The following PAM variants were observed in gnomAD, a reference collection of about 807,000 sequenced individuals.
PAM encodes the protein peptidylglycine alpha-amidating monooxygenase.
In PAM, 72 loss-of-function variants were observed where a neutral mutation model predicts 122.1. The ratio of observed to expected loss-of-function variants is 0.59; its 90% CI spans 0.49 to 0.72. The LOEUF is 0.72. Among genes scored for constraint, PAM ranks in the 30% least tolerant of loss-of-function variants. PAM has a pLI of 0.00. For synonymous variants in PAM, 389 were observed against 404.4 expected (o/e 0.96, Z 0.46); for missense variants, 1,106 against 1,183.7 (o/e 0.93, Z 0.96).
intron 16 of PAM, among the ~76,000 whole-genome samples, chr5:102,994,217 T>C (rs1774992416): frequency 6.6e-6 from 1 of 152,284 alleles, no homozygotes; most frequent in African/African-American, 2.4e-5. Context: ...AGAAACTCCC[T>C]AGATATGAGA....
chr5:102,949,462 T>C (rs573795349), intron 9 of PAM, 75 bp from the exon 10 acceptor site: 4 of 804,014 alleles, frequency 5.0e-6, no homozygotes, highest in South Asian at 4.0e-5. Context: ...GAATACCCTA[T>C]GCATAATTTT....
At position 102,817,403 on chromosome 5, in the gene PAM, C is replaced by A. The variant is rs1018132809; in HGVS notation, c.-373-48420C>A. On this transcript the variant is annotated intron_variant, in intron 1 of 25. Coordinates refer to ENST00000438793, the MANE Select transcript of PAM (RefSeq NM_001177306.2). The stretch of plus-strand genomic sequence containing the variant: ...ATATGCTCAAAATGTGAATGCACAC[C>A]AGATTTCAAAGATGTAATTTGAAAA... Among the ~76,000 whole-genome samples, 4 of 151,842 alleles carry A rather than the reference C, an allele frequency of 2.6e-5. 1 individual carries two copies. The highest frequency in any genetic ancestry group is 7.2e-5 in the African/African-American group (3 of 41,416).
intron 5 of PAM, among the ~76,000 whole-genome samples, chr5:102,918,522 A>AAGTAAATTTAAATTTACTTAAAT (rs767122136): frequency 1.3e-5 from 2 of 152,150 alleles, no homozygotes; most frequent in African/African-American, 2.4e-5. Flanking sequence ...AATTTAAAGT[A>AAGTAAATTTAAATTTACTTAAAT]AGTAAATTTA....
rs1582334729 is a variant in PAM, at chr5:102,969,526, T to C, written c.1163-4590T>C. On this transcript the variant is annotated intron_variant, in intron 14 of 25. Transcript: ENST00000438793. ...TCACTATGACAATCAAAAGATAAGATTCCCAAATGAGTACTGGTGGTAAGG... is the reference window on the plus strand; with the variant it reads ...TCACTATGACAATCAAAAGATAAGACTCCCAAATGAGTACTGGTGGTAAGG... Among the ~76,000 whole-genome samples, 3 of 152,188 alleles carry C rather than the reference T, an allele frequency of 2.0e-5. No homozygotes were observed. The East Asian group carries it at 5.8e-4, about 29-fold the overall frequency.
chr5:102,865,852 G>T lies in PAM; in HGVS notation c.-344G>T, dbSNP rs1785388432. On this transcript the variant is annotated 5_prime_UTR_variant, in exon 2 of 26. Transcript: ENST00000438793. ...TGAATGATGACTGACGCGGGTTTGG[G>T]TGATACCCCTCACAGCCCCTGTCAT... The T allele has an allele frequency of 3.7e-6, 1 of 268,162 alleles. No homozygotes were observed. The highest frequency in any genetic ancestry group is 5.6e-5 in the Admixed American group (1 of 17,966). The allele number at this position is 268,162 out of a possible 1,614,324, so 16.6% of individuals were successfully genotyped here.
intron 5 of PAM, among the ~76,000 whole-genome samples, chr5:102,919,041 A>G (rs1041920048): frequency 1.3e-5 from 2 of 151,916 alleles, no homozygotes; most frequent in African/African-American, 4.8e-5. Context: ...ATGTTTTTTG[A>G]TGAAAAAAAA....
At chr5:102,772,752 T>C (rs1756149212) in intron 1 of PAM, among the ~76,000 whole-genome samples, 1 of 152,078 alleles carries the variant, frequency 6.6e-6, no homozygotes, top group African/African-American at 2.4e-5. Context: ...AGAAATTACA[T>C]TAATTTATGT....
At chr5:102,834,491 G>A (rs1042884229) in intron 1 of PAM, among the ~76,000 whole-genome samples, 4 of 152,144 alleles carry the variant, frequency 2.6e-5, no homozygotes, top group Admixed American at 2.0e-4. Flanking sequence ...AAGTCATATT[G>A]TAATGGGACT....
chr5:102,958,320 G>A (rs1441136045), intron 12 of PAM, among the ~76,000 whole-genome samples: 1 of 152,144 alleles, frequency 6.6e-6, no homozygotes, highest in Non-Finnish European at 1.5e-5. Flanking sequence ...ATGATTAAAG[G>A]TTTTTAAAGC....
intron 1 of PAM, among the ~76,000 whole-genome samples, chr5:102,772,367 G>A (rs973007516): frequency 1.3e-5 from 2 of 152,188 alleles, no homozygotes; most frequent in South Asian, 4.1e-4. Context: ...TGTTTTGCAT[G>A]TGAGGGTGTT....
intron 1 of PAM, chr5:102,838,414 TA>T (rs1272576706): frequency 6.6e-6 from 1 of 152,146 alleles, no homozygotes; most frequent in Non-Finnish European, 1.5e-5. Context: ...CATCAATTAT[TA>T]TACAGTAAAA....
intron 14 of PAM, among the ~76,000 whole-genome samples, chr5:102,963,673 G>A (rs1763184981): frequency 6.6e-6 from 1 of 151,778 alleles, no homozygotes; most frequent in Non-Finnish European, 1.5e-5. Context: ...ACAGCACAAT[G>A]TGGGGTAGGA....
At chr5:102,793,029 G>A (rs1762452689) in intron 1 of PAM, among the ~76,000 whole-genome samples, 1 of 152,032 alleles carries the variant, frequency 6.6e-6, no homozygotes, top group African/African-American at 2.4e-5. Flanking sequence ...TATGAATCTT[G>A]GGCCTCATAG....
chr5:102,768,045 A>G (rs1264533199), intron 1 of PAM, among the ~76,000 whole-genome samples: 1 of 152,152 alleles, frequency 6.6e-6, no homozygotes, highest in African/African-American at 2.4e-5. Context: ...AGTGGAGACC[A>G]GTGCACAGCA....
rs141323015 is a variant in PAM at position 102,993,884 on chromosome 5, C to A, written c.1613+3483C>A. 2.6e-5 allele frequency among the ~76,000 whole-genome samples: 4 copies of A among 152,212 alleles called. No individual in the cohort carries two copies. In the East Asian group the frequency reaches 5.8e-4, roughly 22 times the overall value. On this transcript the variant is annotated intron_variant, in intron 16 of 25. Transcript: ENST00000438793. ...TAGCATTCCTTCGTCTGACCTAGAT[C>A]ATGTCTCATTGCACGTTAAACCAGT...
chr5:102,885,088 T>A (rs1792558821), intron 3 of PAM, among the ~76,000 whole-genome samples: 2 of 150,466 alleles, frequency 1.3e-5, no homozygotes, highest in South Asian at 4.2e-4. Flanking sequence ...TAACTATATA[T>A]ATATATAACT....
At chr5:102,760,676 T>G (rs924123164) in intron 1 of PAM, among the ~76,000 whole-genome samples, 6 of 152,224 alleles carry the variant, frequency 3.9e-5, no homozygotes, top group African/African-American at 1.4e-4. Context: ...CTTCAAATTT[T>G]GTTTGTGTTG....
chr5:102,757,746 C>T (rs954028506), intron 1 of PAM, among the ~76,000 whole-genome samples: 2 of 151,998 alleles, frequency 1.3e-5, no homozygotes, highest in East Asian at 3.9e-4. Context: ...TTAAAAGTTA[C>T]GAGACTTGGT....
intron 3 of PAM, among the ~76,000 whole-genome samples, chr5:102,889,761 T>C (rs999477607): frequency 2.0e-5 from 3 of 151,920 alleles, no homozygotes; most frequent in Admixed American, 2.0e-4. Context: ...AGCCCCCTTA[T>C]TGGGCCTGTC....
Sources: allele counts gnomAD v4.1 joint callset (sites outside exome capture counted in the v4.1 genomes callset), GRCh38; gene constraint gnomAD v4.1.1; transcripts MANE v1.5; gene names NCBI Gene and HGNC (gene_info 2026-07-23, HGNC 2026-07-21).